The following RP1 variants were observed in gnomAD, a reference collection of about 807,000 sequenced individuals.
RP1 encodes RP1 axonemal microtubule associated.
RP1 carries 16 observed loss-of-function variants against 14.8 expected under a neutral mutation model. The ratio of observed to expected loss-of-function variants is 1.08; its 90% confidence interval spans 0.73 to 1.65. The LOEUF is 1.65. Among genes scored for constraint, RP1 ranks in the 40% most tolerant of loss-of-function variants. RP1 has a pLI of 0.00. For missense variants in RP1, 2,631 were observed against 2,535.0 expected (o/e 1.04, Z -0.81); for synonymous variants, 876 against 883.6 (o/e 0.99, Z 0.15).
intron 24 of RP1, among the ~76,000 whole-genome samples, chr8:54,800,137 T>A (rs1667171658): frequency 6.6e-6 from 1 of 152,142 alleles, no homozygotes; most frequent in African/African-American, 2.4e-5. Context: ...CCAGTTTTTT[T>A]TCTTTAGTAC....
At chr8:54,861,217 A>G (rs551441515) in intron 27 of RP1, among the ~76,000 whole-genome samples, 3 of 152,322 alleles carry the variant, frequency 2.0e-5, no homozygotes, top group African/African-American at 2.4e-5. Context: ...CCTGAACATT[A>G]CCAGTACTGG....
chr8:54,746,243 G>C (rs1485454924), intron 19 of RP1, among the ~76,000 whole-genome samples: 2 of 152,142 alleles, frequency 1.3e-5, no homozygotes, highest in African/African-American at 4.8e-5. Context: ...ATTAAAATGG[G>C]TGAAAACCTA....
intron 23 of RP1, among the ~76,000 whole-genome samples, chr8:54,779,116 C>T (rs534307256): frequency 3.3e-5 from 5 of 152,134 alleles, no homozygotes; most frequent in Non-Finnish European, 7.4e-5. Context: ...AAGAAACAAA[C>T]AAACATTTCA....
rs764162654 is a variant in RP1, at chr8:54,628,600, C to T, written c.4718C>T (p.Ser1573Leu). 7.4e-6 allele frequency: 12 copies of T among 1,613,974 alleles called. No homozygotes were observed. Among genetic ancestry groups the T allele is most frequent in the Non-Finnish European group, 1.0e-5 (12 of 1,179,942 alleles). Residue 1573 changes from serine (S) to leucine (L), a missense_variant, in exon 4 of 4, where the codon TCA becomes TTA. By Grantham distance (145) the Ser-to-Leu change is moderately radical. Coordinates refer to ENST00000220676, the MANE Select transcript of RP1 (RefSeq NM_006269.2). ...AAAACTATGGAAACTGGAAGTTATT[C>T]AGAGTCCTCTCCTGATTTAAAAAAA... is the stretch of plus-strand genomic sequence containing the variant. ...MVKTMETGSY[S>L]ESSPDLKKCI...
intron 1 of RP1, among the ~76,000 whole-genome samples, chr8:54,590,251 A>G (rs1805016935): frequency 6.6e-6 from 1 of 152,184 alleles, no homozygotes; most frequent in African/African-American, 2.4e-5. Flanking sequence ...TTGATCTCAT[A>G]GCCCTCCTCT....
At chr8:54,711,350 G>A (rs1415690791) in intron 15 of RP1, among the ~76,000 whole-genome samples, 1 of 152,080 alleles carries the variant, frequency 6.6e-6, no homozygotes, top group Non-Finnish European at 1.5e-5. Context: ...TTCCAATCCT[G>A]TTCTTGGAAG....
chr8:54,576,979 C>T (rs1459454407), intron 1 of RP1, among the ~76,000 whole-genome samples: 1 of 152,070 alleles, frequency 6.6e-6, no homozygotes, highest in Admixed American at 6.6e-5. Context: ...TGTAGTTGCT[C>T]TATGTATTAT....
chr8:54,711,570 C>T (rs765300773), intron 15 of RP1, among the ~76,000 whole-genome samples: 10 of 152,182 alleles, frequency 6.6e-5, no homozygotes, highest in Non-Finnish European at 1.5e-4. Context: ...CAAGGCTGAG[C>T]GAGCGCTCTT....
At chr8:54,589,803 T>A (rs1805006017) in intron 1 of RP1, among the ~76,000 whole-genome samples, 1 of 152,346 alleles carries the variant, frequency 6.6e-6, no homozygotes, top group Admixed American at 6.5e-5. Flanking sequence ...CTCATTGGAA[T>A]AATTTTTGAC....
intron 26 of RP1, chr8:54,856,928 A>G (rs1812216616): frequency 8.4e-6 from 3 of 356,344 alleles, no homozygotes; most frequent in African/African-American, 6.4e-5. Flanking sequence ...TAAGAATACT[A>G]TATAGTATAG....
intron 27 of RP1, among the ~76,000 whole-genome samples, chr8:54,865,033 T>C (rs1219711101): frequency 6.6e-6 from 1 of 152,158 alleles, no homozygotes; most frequent in Non-Finnish European, 1.5e-5. Context: ...TTCCTACATT[T>C]AGATGATTTT....
chr8:54,745,074 T>C (rs79810748), intron 19 of RP1, among the ~76,000 whole-genome samples: 4,417 of 152,078 alleles, frequency 0.029, 126 homozygotes, highest in African/African-American at 0.065. Context: ...TTAATAAGAG[T>C]TGGAAGAGTT....
intron 4 of RP1, among the ~76,000 whole-genome samples, chr8:54,652,577 T>A (rs968095313): frequency 3.9e-5 from 6 of 152,210 alleles, no homozygotes; most frequent in African/African-American, 1.4e-4. Flanking sequence ...ACTATTATCA[T>A]AGAGTGTCTG....
At chr8:54,682,236 T>A (rs1469985713) in intron 12 of RP1, among the ~76,000 whole-genome samples, 1 of 152,102 alleles carries the variant, frequency 6.6e-6, no homozygotes, top group Non-Finnish European at 1.5e-5. Context: ...CCCTTTTTTT[T>A]AAATTAAAAT....
intron 7 of RP1, among the ~76,000 whole-genome samples, chr8:54,669,267 C>T (rs1474629256): frequency 6.6e-6 from 1 of 152,064 alleles, no homozygotes; most frequent in Non-Finnish European, 1.5e-5. Flanking sequence ...CCAACAGACA[C>T]ATGAAAAAAT....
chr8:54,755,837 A>T, intron 21 of RP1: 2 of 1,377,650 alleles, frequency 1.5e-6, no homozygotes, highest in Non-Finnish European at 1.9e-6. Context: ...ATATGATTTA[A>T]AATTTAAAAG....
intron 24 of RP1, among the ~76,000 whole-genome samples, chr8:54,809,460 A>G (rs1810936036): frequency 6.6e-6 from 1 of 152,190 alleles, no homozygotes; most frequent in African/African-American, 2.4e-5. Flanking sequence ...TGGCATCTGA[A>G]TTATGTATTA....
intron 14 of RP1, among the ~76,000 whole-genome samples, chr8:54,702,760 A>C (rs149493293): frequency 6.6e-6 from 1 of 152,322 alleles, no homozygotes; most frequent in African/African-American, 2.4e-5. Context: ...CAAAATTAGT[A>C]TAAATCCTCT....
chr8:54,613,436 C>T (rs1325981924), upstream of RP1, among the ~76,000 whole-genome samples: 1 of 152,162 alleles, frequency 6.6e-6, no homozygotes, highest in Non-Finnish European at 1.5e-5. Flanking sequence ...CTAAGGCAGG[C>T]AGAGGATCAT....
Sources: gnomAD v4.1 joint callset for allele counts (sites outside exome capture counted in the v4.1 genomes callset) on GRCh38, gnomAD v4.1.1 for gene constraint, MANE v1.5 for transcripts, NCBI Gene and HGNC (gene_info 2026-07-23, HGNC 2026-07-21) for gene names.